Variants in KLHL1 observed in about 807,000 individuals in gnomAD.
KLHL1 encodes the protein kelch like family member 1.
A neutral mutation model predicts 77.7 loss-of-function variants in KLHL1; 47 were observed. That is an observed-to-expected ratio of 0.60 (90% confidence interval 0.48 to 0.77). KLHL1 has a LOEUF of 0.77. KLHL1 is among the 30% of genes least tolerant of loss of function. The pLI, the probability that KLHL1 is intolerant of heterozygous loss-of-function variation, is 0.00. For synonymous variants in KLHL1, 360 were observed against 325.2 expected (o/e 1.11, Z -1.15); for missense variants, 925 against 910.8 (o/e 1.02, Z -0.20).
chr13:69,928,607 T>G, intron 4 of KLHL1, among the ~76,000 whole-genome samples: 1 of 152,296 alleles, frequency 6.6e-6, no homozygotes, highest in Middle Eastern at 3.4e-3. Context: ...ATAAATAAAT[T>G]ACTGATACAT....
At chr13:69,895,371 T>C (rs984070397) in intron 4 of KLHL1, among the ~76,000 whole-genome samples, 1 of 152,178 alleles carries the variant, frequency 6.6e-6, no homozygotes, top group Non-Finnish European at 1.5e-5. Flanking sequence ...CATCTTGCCT[T>C]GGCCACTCAA....
At chr13:69,937,570 G>A (rs1247131499) in intron 4 of KLHL1, among the ~76,000 whole-genome samples, 1 of 152,090 alleles carries the variant, frequency 6.6e-6, no homozygotes, top group African/African-American at 2.4e-5. Flanking sequence ...TTCCTTCAGT[G>A]CTGCTATTCT....
intron 2 of KLHL1, among the ~76,000 whole-genome samples, chr13:69,969,692 C>A (rs1283266087): frequency 2.0e-5 from 3 of 151,544 alleles, no homozygotes; most frequent in Non-Finnish European, 4.4e-5. Context: ...ATACTGCTAA[C>A]TCATTAAAAA....
At chr13:69,998,294 G>T (rs1305672591) in intron 1 of KLHL1, among the ~76,000 whole-genome samples, 2 of 151,958 alleles carry the variant, frequency 1.3e-5, no homozygotes, top group Non-Finnish European at 2.9e-5. Flanking sequence ...TGACTGATAG[G>T]AATGATCTAT....
intron 5 of KLHL1, among the ~76,000 whole-genome samples, chr13:69,863,281 G>C (rs1354791372): frequency 7.1e-6 from 1 of 141,764 alleles, no homozygotes; most frequent in Admixed American, 7.1e-5. Context: ...ATTTTAACTA[G>C]AGAAACTAAA....
At chr13:69,976,605 T>C (rs900853909) in intron 1 of KLHL1, among the ~76,000 whole-genome samples, 2 of 152,006 alleles carry the variant, frequency 1.3e-5, no homozygotes, top group Non-Finnish European at 2.9e-5. Flanking sequence ...CTGATGACAA[T>C]TGCTTAAATA....
chr13:69,773,723 T>TC (rs1274343628), intron 7 of KLHL1, among the ~76,000 whole-genome samples: 5 of 151,878 alleles, frequency 3.3e-5, no homozygotes, highest in African/African-American at 4.8e-5. Flanking sequence ...ATAAAATTTT[T>TC]GAAAATTTCC....
intron 1 of KLHL1, among the ~76,000 whole-genome samples, chr13:70,030,595 C>T (rs1410721758): frequency 4.6e-5 from 7 of 151,904 alleles, no homozygotes; most frequent in African/African-American, 7.3e-5. Flanking sequence ...TTTAAAGCAG[C>T]ATGTAGAGGG....
At chr13:69,869,120 G>T (rs1880482752) in intron 5 of KLHL1, among the ~76,000 whole-genome samples, 2 of 151,906 alleles carry the variant, frequency 1.3e-5, no homozygotes, top group South Asian at 4.1e-4. Context: ...ATTATTGGTT[G>T]TAATATAAAA....
chr13:70,021,283 C>T (rs1342740415), intron 1 of KLHL1, among the ~76,000 whole-genome samples: 1 of 151,964 alleles, frequency 6.6e-6, no homozygotes. Context: ...TCAGATTGAC[C>T]TTTTCCACTC....
intron 3 of KLHL1, among the ~76,000 whole-genome samples, chr13:69,944,232 G>A (rs763619366): frequency 1.3e-5 from 2 of 152,196 alleles, no homozygotes; most frequent in South Asian, 2.1e-4. Context: ...AGGCCTATGC[G>A]ATCAACACCT....
At chr13:70,093,504 T>C (rs1294182975) in intron 1 of KLHL1, among the ~76,000 whole-genome samples, 4 of 152,180 alleles carry the variant, frequency 2.6e-5, no homozygotes, top group African/African-American at 9.6e-5. Context: ...CTAAGCACTT[T>C]AAAGAAAAAA....
chr13:69,807,679 A>G (rs1356410209), intron 6 of KLHL1, among the ~76,000 whole-genome samples: 1 of 152,154 alleles, frequency 6.6e-6, no homozygotes, highest in Non-Finnish European at 1.5e-5. Context: ...AAGAGACTGG[A>G]GAGCTTGCTC....
chr13:69,790,101 T>G (rs1389900618), intron 7 of KLHL1, among the ~76,000 whole-genome samples: 1 of 152,132 alleles, frequency 6.6e-6, no homozygotes, highest in African/African-American at 2.4e-5. Flanking sequence ...AACCATTATG[T>G]TTCCAAAAGA....
intron 2 of KLHL1, among the ~76,000 whole-genome samples, chr13:69,971,826 A>C (rs1014857585): frequency 1.3e-5 from 2 of 152,088 alleles, no homozygotes. Flanking sequence ...ATCATTATGC[A>C]TCATCAACAG....
chr13:69,832,818 C>A (rs548889901), intron 6 of KLHL1, among the ~76,000 whole-genome samples: 1 of 152,060 alleles, frequency 6.6e-6, no homozygotes, highest in Non-Finnish European at 1.5e-5. Flanking sequence ...TTACAGCCAA[C>A]TGATCTTTGA....
intron 1 of KLHL1, 64 bp from the exon 2 acceptor site, chr13:69,975,866 A>G: frequency 6.9e-7 from 1 of 1,457,828 alleles, no homozygotes; most frequent in Non-Finnish European, 9.0e-7. Flanking sequence ...AGAGCCAATT[A>G]TCTAGAATAA....
At chr13:69,932,477 C>T (rs1163853601) in intron 4 of KLHL1, among the ~76,000 whole-genome samples, 1 of 151,848 alleles carries the variant, frequency 6.6e-6, no homozygotes, top group Non-Finnish European at 1.5e-5. Context: ...GAAGGGAATA[C>T]TACATCTTAA....
rs776086954 is a variant in KLHL1, at chr13:69,740,343, A to G, written c.1802+51T>C. The G allele has an allele frequency of 3.3e-6, 4 of 1,219,622 alleles. No homozygotes were observed. In the African/African-American group the frequency reaches 6.1e-5, roughly 19 times the overall value. 75.6% of individuals were successfully genotyped at this position (1,219,622 alleles called of 1,614,324 possible). The stretch of plus-strand genomic sequence containing the variant: ...AAAACTTATTTTTCAAATAATATTT[A>G]CCCAATAACTTTTTTTCTAAGATTA... On this transcript the variant is annotated intron_variant, in intron 8 of 10. Coordinates refer to ENST00000377844, the MANE Select transcript of KLHL1 (RefSeq NM_020866.3).
Sources: gnomAD v4.1 joint callset for allele counts (sites outside exome capture counted in the v4.1 genomes callset) on GRCh38, gnomAD v4.1.1 for gene constraint, MANE v1.5 for transcripts, NCBI Gene and HGNC (gene_info 2026-07-23, HGNC 2026-07-21) for gene names.